The following SPATA6L variants were observed in gnomAD, a reference collection of about 807,000 sequenced individuals.
The protein encoded by SPATA6L is spermatogenesis associated 6 like.
SPATA6L carries 68 observed loss-of-function variants against 49.2 expected under a neutral mutation model. That is an observed-to-expected ratio of 1.38 (90% CI 1.14 to 1.69). SPATA6L has a LOEUF of 1.69. SPATA6L is among the 40% of genes most tolerant of loss of function. The pLI is 0.00. For synonymous variants in SPATA6L, 198 were observed against 165.7 expected, an observed-to-expected ratio of 1.19 and a Z score of -1.50; for missense variants, 668 against 464.3, an observed-to-expected ratio of 1.44 and a Z score of -4.03.
rs183775937 is a variant in SPATA6L, at chr9:4,658,047, G to A, written c.178-1958C>T. On this transcript the variant is annotated intron_variant, in intron 2 of 11. Transcript: ENST00000682582. Reference sequence around the variant, plus strand: ...GCCAAGGAACTATACCAGAAACTAGGAGAGAGGCCTGGAATAGGTCCTTCC... The same window carrying A: ...GCCAAGGAACTATACCAGAAACTAGAAGAGAGGCCTGGAATAGGTCCTTCC... 5.3e-5 allele frequency among the ~76,000 whole-genome samples: 8 copies of A among 152,274 alleles called. No individual in the cohort carries two copies. In the East Asian group the frequency reaches 1.3e-3, roughly 26 times the overall value.
At chr9:4,659,433 C>T (rs1156407234) in intron 2 of SPATA6L, among the ~76,000 whole-genome samples, 5 of 151,122 alleles carry the variant, frequency 3.3e-5, no homozygotes, top group African/African-American at 4.9e-5. Context: ...ACAATTGCTT[C>T]AAAGAGAATA....
intron 3 of SPATA6L, among the ~76,000 whole-genome samples, chr9:4,645,315 G>T (rs375845930): frequency 1.4e-4 from 21 of 152,144 alleles, no homozygotes; most frequent in Non-Finnish European, 2.2e-4. Context: ...AAATGTCTTA[G>T]TCTATTTTCT....
At chr9:4,661,675 A>G (rs1228928512) in intron 2 of SPATA6L, among the ~76,000 whole-genome samples, 2 of 152,194 alleles carry the variant, frequency 1.3e-5, no homozygotes, top group Non-Finnish European at 2.9e-5. Flanking sequence ...TTCCAAGAAT[A>G]GGAAACATCA....
rs373200799 is a variant in SPATA6L at position 4,666,257 on chromosome 9, C to G, written c.-7G>C. The G allele has an allele frequency of 2.2e-5, 36 of 1,614,064 alleles. No individual in the cohort carries two copies. Among genetic ancestry groups the G allele is most frequent in the Non-Finnish European group, 3.0e-5 (35 of 1,180,038 alleles). On this transcript the variant is annotated 5_prime_UTR_variant, in exon 1 of 12. Transcript: ENST00000682582. ...CCACCACCTCCAGAGGCATCGTTCCCTGCGTGGGCGAAAGGACTGGAATGA... is the reference window on the plus strand; with the variant it reads ...CCACCACCTCCAGAGGCATCGTTCCGTGCGTGGGCGAAAGGACTGGAATGA...
intron 6 of SPATA6L, among the ~76,000 whole-genome samples, chr9:4,623,441 T>C (rs1385736232): frequency 6.6e-6 from 1 of 151,888 alleles, no homozygotes; most frequent in East Asian, 1.9e-4. Flanking sequence ...AGCTACAATA[T>C]AGAGTTGCTG....
chr9:4,655,301 T>G (rs1415818077), intron 3 of SPATA6L, among the ~76,000 whole-genome samples: 1 of 152,242 alleles, frequency 6.6e-6, no homozygotes, highest in Admixed American at 6.5e-5. Context: ...GAGCACATGT[T>G]GTATAATCTC....
At chr9:4,589,868 A>G (rs552467474) in intron 13 of SPATA6L, among the ~76,000 whole-genome samples, 1 of 152,310 alleles carries the variant, frequency 6.6e-6, no homozygotes, top group African/African-American at 2.4e-5. Context: ...TTTTAAAGTG[A>G]AAGCCAGATA....
At chr9:4,595,573 C>G (rs188100005), downstream of SPATA6L, among the ~76,000 whole-genome samples, 2 of 152,210 alleles carry the variant, frequency 1.3e-5, no homozygotes, top group East Asian at 1.9e-4. Flanking sequence ...AGGACATTTC[C>G]TCTTCTCTAT....
intron 1 of SPATA6L, 105 bp downstream of exon 1, chr9:4,666,107 G>A: frequency 2.1e-6 from 2 of 971,770 alleles, no homozygotes; most frequent in Non-Finnish European, 1.7e-6. Flanking sequence ...AGATAATGAT[G>A]TGTTTGTGGT....
At chr9:4,611,907 G>A (rs1826843298) in intron 9 of SPATA6L, among the ~76,000 whole-genome samples, 1 of 152,114 alleles carries the variant, frequency 6.6e-6, no homozygotes, top group Non-Finnish European at 1.5e-5. Context: ...ACAACTGCAT[G>A]ATCATAGCTC....
chr9:4,601,440 G>C (rs957358543), intron 11 of SPATA6L, among the ~76,000 whole-genome samples: 7 of 151,508 alleles, frequency 4.6e-5, no homozygotes, highest in African/African-American at 1.7e-4. Flanking sequence ...AAATATACAA[G>C]GGATACTCTG....
chr9:4,658,966 A>C (rs1303334272), intron 2 of SPATA6L, among the ~76,000 whole-genome samples: 1 of 151,898 alleles, frequency 6.6e-6, no homozygotes, highest in Admixed American at 6.6e-5. Context: ...AAAAAAAAAA[A>C]AAGGCTTCTA....
chr9:4,661,768 TGTG>T, intron 2 of SPATA6L, 128 bp downstream of exon 2: 6 of 835,768 alleles, frequency 7.2e-6, no homozygotes, highest in Non-Finnish European at 7.9e-6. Flanking sequence ...GGTTTTGCAT[TGTG>T]CTGAAGTGCT....
downstream of SPATA6L, among the ~76,000 whole-genome samples, chr9:4,594,501 C>T (rs993906109): frequency 2.6e-5 from 4 of 152,160 alleles, no homozygotes; most frequent in Non-Finnish European, 4.4e-5. Flanking sequence ...TGTGAGCCAC[C>T]GCGCCCAGCG....
At chr9:4,636,470 G>A (rs532708280) in intron 3 of SPATA6L, among the ~76,000 whole-genome samples, 18 of 152,266 alleles carry the variant, frequency 1.2e-4, no homozygotes, top group African/African-American at 1.4e-4. Context: ...TTACTGAGCC[G>A]AAGGACAGAA....
At chr9:4,648,022 A>G (rs1227707089) in intron 3 of SPATA6L, among the ~76,000 whole-genome samples, 8 of 152,046 alleles carry the variant, frequency 5.3e-5, no homozygotes, top group Admixed American at 5.2e-4. Context: ...TTTAGTTGAG[A>G]TGGAGTTTCG....
chr9:4,643,218 G>C (rs1834431234), intron 3 of SPATA6L, among the ~76,000 whole-genome samples: 1 of 152,152 alleles, frequency 6.6e-6, no homozygotes, highest in South Asian at 2.1e-4. Context: ...ATGTTGGCCA[G>C]GTTGGTCTCA....
At chr9:4,632,162 G>C (rs1470214435) in intron 4 of SPATA6L, among the ~76,000 whole-genome samples, 2 of 150,398 alleles carry the variant, frequency 1.3e-5, no homozygotes, top group African/African-American at 4.9e-5. Flanking sequence ...CGGGATTACA[G>C]GTGTGCACCA....
At chr9:4,595,499 T>C (rs751409863), downstream of SPATA6L, among the ~76,000 whole-genome samples, 11 of 152,238 alleles carry the variant, frequency 7.2e-5, no homozygotes, top group Non-Finnish European at 1.3e-4. Context: ...CGGCTTCTTA[T>C]TGTCTACAGC....
Sources: gnomAD v4.1 joint callset for allele counts (sites outside exome capture counted in the v4.1 genomes callset) on GRCh38, gnomAD v4.1.1 for gene constraint, MANE v1.5 for transcripts, NCBI Gene and HGNC (gene_info 2026-07-23, HGNC 2026-07-21) for gene names.